The following THRB variants were observed in gnomAD, a reference collection of about 807,000 sequenced individuals.
THRB encodes thyroid hormone receptor beta.
THRB carries 12 observed loss-of-function variants against 47.8 expected under a neutral mutation model. The observed-to-expected ratio is 0.25, with a 90% CI of 0.16 to 0.41. THRB has a LOEUF of 0.41. Ranked by LOEUF, THRB falls within the 10% of genes least tolerant of loss-of-function variation. The pLI is 1.00. For synonymous variants in THRB, 218 were observed against 212.2 expected, an observed-to-expected ratio of 1.03 and a Z score of -0.24; for missense variants, 348 against 589.2, an observed-to-expected ratio of 0.59 and a Z score of 4.24.
intron 5 of THRB, among the ~76,000 whole-genome samples, chr3:24,188,993 T>C (rs1366250854): frequency 1.3e-5 from 2 of 151,340 alleles, no homozygotes; most frequent in Middle Eastern, 3.2e-3. Flanking sequence ...TGAATAACTC[T>C]ATTTCCAACT....
intron 1 of THRB, among the ~76,000 whole-genome samples, chr3:24,492,904 T>G (rs532382064): frequency 6.6e-6 from 1 of 152,370 alleles, no homozygotes; most frequent in South Asian, 2.1e-4. Context: ...TCAGTATTAT[T>G]TATTTTTCAC....
intron 5 of THRB, among the ~76,000 whole-genome samples, chr3:24,176,841 G>C (rs1312242510): frequency 6.6e-6 from 1 of 152,152 alleles, no homozygotes; most frequent in Non-Finnish European, 1.5e-5. Flanking sequence ...TGGGATGATG[G>C]AAATGTTCTA....
rs1160607443 is a variant in THRB at position 24,152,423 on chromosome 3, A to G, written c.351T>C (p.Tyr117=). 5.0e-6 allele frequency: 8 copies of G among 1,613,288 alleles called. No individual in the cohort carries two copies. The highest frequency in any genetic ancestry group is 5.9e-6 in the Non-Finnish European group (7 of 1,179,468). Residue 117 remains tyrosine (Y), a synonymous_variant, in exon 6 of 11, where the codon TAT becomes TAC. Transcript: ENST00000646209. Reference sequence around the variant, plus strand: ...CTTCACACGTGATACAGCGGTAGTGATACCCGGTGGCTTTGTCACCACACA... The same window carrying G: ...CTTCACACGTGATACAGCGGTAGTGGTACCCGGTGGCTTTGTCACCACACA... ...CVVCGDKATG[Y]HYRCITCEGC... is the part of the protein sequence containing the mutation.
intron 3 of THRB, among the ~76,000 whole-genome samples, chr3:24,245,746 C>G (rs143717798): frequency 2.1e-3 from 312 of 152,194 alleles, no homozygotes; most frequent in African/African-American, 6.8e-3. Context: ...AACCCCATCT[C>G]TACTAAAAAT....
chr3:24,482,698 A>G (rs1577918171), intron 1 of THRB, among the ~76,000 whole-genome samples: 3 of 152,222 alleles, frequency 2.0e-5, no homozygotes, highest in Admixed American at 2.0e-4. Context: ...TTAAAATAGG[A>G]CATAATTGGA....
intron 1 of THRB, among the ~76,000 whole-genome samples, chr3:24,423,170 A>G (rs2069433022): frequency 1.3e-5 from 2 of 151,874 alleles, no homozygotes; most frequent in Non-Finnish European, 2.9e-5. Flanking sequence ...GTGACCCCCA[A>G]TCAATGACCA....
Position 24,287,626 on chromosome 3 carries a change from G to A in THRB, c.-43+9600C>T, listed in dbSNP as rs576071221. ...AAGAAAACTAACTTTCAACAGGAGC[G>A]TTGTCCCAGCTTTCTGCAATTCTAG... On this transcript the variant is annotated intron_variant, in intron 3 of 10. Coordinates refer to ENST00000646209, the MANE Select transcript of THRB (RefSeq NM_001354712.2). Among the ~76,000 whole-genome samples, 7 of 152,198 alleles carry A rather than the reference G, an allele frequency of 4.6e-5. No homozygotes were observed. In the South Asian group the frequency reaches 6.2e-4, roughly 13 times the overall value.
At chr3:24,351,564 T>G (rs2063355077) in intron 1 of THRB, among the ~76,000 whole-genome samples, 1 of 152,190 alleles carries the variant, frequency 6.6e-6, no homozygotes, top group Non-Finnish European at 1.5e-5. Flanking sequence ...TGTTTTCCTT[T>G]GCCTTCTCAC....
intron 3 of THRB, among the ~76,000 whole-genome samples, chr3:24,259,201 G>T (rs1297051280): frequency 6.6e-6 from 1 of 152,168 alleles, no homozygotes; most frequent in East Asian, 1.9e-4. Flanking sequence ...GCTTGGGATT[G>T]TTCCTACACA....
At chr3:24,406,793 A>G (rs2067861144) in intron 1 of THRB, among the ~76,000 whole-genome samples, 1 of 151,984 alleles carries the variant, frequency 6.6e-6, no homozygotes, top group African/African-American at 2.4e-5. Context: ...CATCACAATC[A>G]TGCAGTTGAA....
chr3:24,290,403 G>A (rs80025133), intron 3 of THRB, among the ~76,000 whole-genome samples: 10 of 152,210 alleles, frequency 6.6e-5, no homozygotes, highest in Non-Finnish European at 8.8e-5. Flanking sequence ...GAATTAACAC[G>A]GGAGACATCT....
intron 1 of THRB, among the ~76,000 whole-genome samples, chr3:24,399,194 T>A: frequency 6.6e-6 from 1 of 151,602 alleles, no homozygotes; most frequent in East Asian, 1.9e-4. Flanking sequence ...AACCTGCACG[T>A]TGTGCACATG....
intron 4 of THRB, among the ~76,000 whole-genome samples, chr3:24,218,512 T>G (rs2046844621): frequency 6.6e-6 from 1 of 151,994 alleles, no homozygotes. Context: ...CAAAACAAAC[T>G]TCTTAAAAAA....
chr3:24,432,039 A>G (rs2070477663), intron 1 of THRB, among the ~76,000 whole-genome samples: 1 of 152,078 alleles, frequency 6.6e-6, no homozygotes, highest in Non-Finnish European at 1.5e-5. Flanking sequence ...GAGGCAGGAG[A>G]TAGGATCAGG....
At chr3:24,155,290 AT>A (rs1427234539) in intron 5 of THRB, among the ~76,000 whole-genome samples, 1 of 152,204 alleles carries the variant, frequency 6.6e-6, no homozygotes, top group Non-Finnish European at 1.5e-5. Flanking sequence ...AGGTGATTAA[AT>A]GACTTTAGTT....
At chr3:24,485,795 T>C (rs1697202806) in intron 1 of THRB, among the ~76,000 whole-genome samples, 1 of 152,226 alleles carries the variant, frequency 6.6e-6, no homozygotes, top group Non-Finnish European at 1.5e-5. Context: ...GTTCCCACAA[T>C]GTACATTGTA....
chr3:24,357,369 A>AAAAC, intron 1 of THRB, among the ~76,000 whole-genome samples: 1 of 146,778 alleles, frequency 6.8e-6, no homozygotes. Context: ...AAAAAAAAAA[A>AAAAC]AAAAACAAAA....
intron 3 of THRB, among the ~76,000 whole-genome samples, chr3:24,289,121 C>T (rs957944094): frequency 1.3e-5 from 2 of 152,090 alleles, no homozygotes; most frequent in Non-Finnish European, 2.9e-5. Context: ...AGCTTGCTGG[C>T]CAAATGGGAA....
intron 4 of THRB, among the ~76,000 whole-genome samples, chr3:24,192,211 G>A (rs919717814): frequency 2.0e-5 from 3 of 152,104 alleles, no homozygotes; most frequent in East Asian, 3.9e-4. Context: ...ATTGCATTTC[G>A]AGCTAAACAT....
Sources: allele counts gnomAD v4.1 joint callset (sites outside exome capture counted in the v4.1 genomes callset), GRCh38; gene constraint gnomAD v4.1.1; transcripts MANE v1.5; gene names NCBI Gene and HGNC (gene_info 2026-07-23, HGNC 2026-07-21).